Variants in SCAMP1 observed in about 807,000 individuals in gnomAD.
SCAMP1 encodes secretory carrier-associated membrane protein 1.
Under a neutral mutation model 41.8 loss-of-function variants are expected in SCAMP1, and 15 were observed. That is an observed-to-expected ratio of 0.36 (90% CI 0.24 to 0.55). The LOEUF is 0.55. Ranked by LOEUF, SCAMP1 falls within the 20% of genes least tolerant of loss-of-function variation. The pLI is 0.86. For synonymous variants in SCAMP1, 135 were observed against 136.8 expected, an observed-to-expected ratio of 0.99 and a Z score of 0.09; for missense variants, 341 against 412.6, an observed-to-expected ratio of 0.83 and a Z score of 1.50.
chr5:78,474,165 TA>T (rs1753950170), intron 8 of SCAMP1, among the ~76,000 whole-genome samples: 1 of 152,106 alleles, frequency 6.6e-6, no homozygotes, highest in Non-Finnish European at 1.5e-5. Context: ...GGGTCTCTTT[TA>T]TAAGGGCATT....
At chr5:78,467,829 A>G (rs1454252760) in intron 8 of SCAMP1, among the ~76,000 whole-genome samples, 2 of 152,224 alleles carry the variant, frequency 1.3e-5, no homozygotes, top group African/African-American at 2.4e-5. Context: ...TTAAGATCCA[A>G]TTTTAAAAAC....
chr5:78,468,817 T>C (rs1274552765), intron 8 of SCAMP1, among the ~76,000 whole-genome samples: 1 of 152,160 alleles, frequency 6.6e-6, no homozygotes, highest in Non-Finnish European at 1.5e-5. Flanking sequence ...GTCTCATTAG[T>C]TGGTGTTTTA....
intron 7 of SCAMP1, among the ~76,000 whole-genome samples, chr5:78,452,938 C>G (rs111318699): frequency 0.76 from 111,830 of 147,132 alleles, 43,204 homozygotes; most frequent in African/African-American, 0.84. Context: ...CTGATGGCCA[C>G]TGATGAGCAT....
chr5:78,400,694 C>T lies in SCAMP1; in HGVS notation c.135+11780C>T, dbSNP rs559038594. Among the ~76,000 whole-genome samples the T allele has an allele frequency of 2.6e-5, 4 of 152,238 alleles. No individual in the cohort carries two copies. The South Asian group carries it at 8.3e-4, about 32-fold the overall frequency. The stretch of plus-strand genomic sequence containing the variant: ...AAAGTGATTGACTTTTGTATATTAA[C>T]TTTGTGTTGTGCAACCTTAGTATAA... On this transcript the variant is annotated intron_variant, in intron 2 of 8. Coordinates refer to ENST00000621999, the MANE Select transcript of SCAMP1 (RefSeq NM_004866.6).
At chr5:78,393,487 C>T (rs1051863442) in intron 2 of SCAMP1, among the ~76,000 whole-genome samples, 1 of 152,142 alleles carries the variant, frequency 6.6e-6, no homozygotes, top group African/African-American at 2.4e-5. Context: ...AATTTTATAA[C>T]TTATATATTC....
chr5:78,368,692 A>G (rs1269634867), intron 1 of SCAMP1, among the ~76,000 whole-genome samples: 1 of 152,190 alleles, frequency 6.6e-6, no homozygotes, highest in African/African-American at 2.4e-5. Context: ...CAGAATGGTC[A>G]TGGGACTGGA....
At chr5:78,456,510 GC>G (rs1310114371) in intron 7 of SCAMP1, among the ~76,000 whole-genome samples, 1 of 151,372 alleles carries the variant, frequency 6.6e-6, no homozygotes, top group Non-Finnish European at 1.5e-5. Context: ...TTGAATATTG[GC>G]CCCCACTCTC....
At chr5:78,470,089 C>T (rs1366543101) in intron 8 of SCAMP1, among the ~76,000 whole-genome samples, 1 of 147,538 alleles carries the variant, frequency 6.8e-6, no homozygotes, top group Non-Finnish European at 1.5e-5. Flanking sequence ...GAGACCTTGT[C>T]TCTAAAAAAT....
At chr5:78,425,909 G>A (rs947339340) in intron 6 of SCAMP1, among the ~76,000 whole-genome samples, 8 of 151,386 alleles carry the variant, frequency 5.3e-5, no homozygotes, top group African/African-American at 9.7e-5. Flanking sequence ...TAAGCCCCGC[G>A]TGCATTAGGT....
At chr5:78,461,303 T>C (rs185006213) in intron 8 of SCAMP1, among the ~76,000 whole-genome samples, 1 of 152,340 alleles carries the variant, frequency 6.6e-6, no homozygotes, top group East Asian at 1.9e-4. Context: ...ATTTTTGTAG[T>C]TTGAGGTTTT....
chr5:78,460,820 C>CTTTCTTTCTTTCTTTATTT (rs1201206613), intron 8 of SCAMP1, among the ~76,000 whole-genome samples: 1 of 28,172 alleles, frequency 3.5e-5, no homozygotes, highest in African/African-American at 8.5e-5. Context: ...TTCCTTCCTT[C>CTTTCTTTCTTTCTTTATTT]CTTTCTTGTC....
Position 78,360,682 on chromosome 5 carries a change from T to C in SCAMP1, c.11T>C (p.Phe4Ser). 6.2e-7 allele frequency: 1 copy of C among 1,610,352 alleles called. No homozygotes were observed. The highest frequency in any genetic ancestry group is 8.5e-7 in the Non-Finnish European group (1 of 1,178,500). The stretch of plus-strand genomic sequence containing the variant: ...CCGAGAGCCAGAGAGATGTCGGATT[T>C]CGACAGTAACCCGTTTGCCGACCCG... Reference protein sequence around the residue: MSDFDSNPFADPDL... With the variant: MSDSDSNPFADPDL... The change falls in exon 1 of 9, where the codon TTC becomes TCC. Residue 4 changes from phenylalanine to serine, a missense_variant. Transcript: ENST00000621999.
intron 8 of SCAMP1, among the ~76,000 whole-genome samples, chr5:78,473,720 A>C (rs537793465): frequency 6.6e-6 from 1 of 152,228 alleles, no homozygotes; most frequent in Non-Finnish European, 1.5e-5. Context: ...AAGTGAGAAC[A>C]TGTGATATTT....
chr5:78,448,205 T>G (rs1481412979), intron 6 of SCAMP1, among the ~76,000 whole-genome samples: 2 of 142,332 alleles, frequency 1.4e-5, no homozygotes, highest in African/African-American at 5.3e-5. Context: ...TTTTGTTTTT[T>G]TTTAAAATAA....
intron 8 of SCAMP1, among the ~76,000 whole-genome samples, chr5:78,466,386 T>G (rs1431619119): frequency 2.0e-5 from 3 of 152,162 alleles, no homozygotes; most frequent in African/African-American, 7.2e-5. Context: ...AAGTATTGCC[T>G]CAGCTGAGAT....
intron 2 of SCAMP1, among the ~76,000 whole-genome samples, chr5:78,402,192 ATT>A (rs1465032284): frequency 7.3e-6 from 1 of 137,392 alleles, no homozygotes; most frequent in African/African-American, 2.7e-5. Context: ...TAAATACTAT[ATT>A]TGTTTTTTTT....
intron 6 of SCAMP1, among the ~76,000 whole-genome samples, chr5:78,443,061 A>G (rs1033366924): frequency 1.4e-4 from 21 of 151,882 alleles, no homozygotes; most frequent in African/African-American, 4.8e-4. Flanking sequence ...AAAAACAAAA[A>G]TATTAGCTGG....
chr5:78,410,668 G>A (rs181490963), intron 2 of SCAMP1, among the ~76,000 whole-genome samples: 175 of 152,288 alleles, frequency 1.1e-3, no homozygotes, highest in African/African-American at 4.0e-3. Context: ...ACACAGTAAT[G>A]GGATTGCTGG....
chr5:78,433,575 T>TC (rs1426871318), intron 6 of SCAMP1, among the ~76,000 whole-genome samples: 1 of 152,136 alleles, frequency 6.6e-6, no homozygotes, highest in Non-Finnish European at 1.5e-5. Flanking sequence ...CTCAGAGACT[T>TC]CAAATTACTT....
Sources: allele counts gnomAD v4.1 joint callset (sites outside exome capture counted in the v4.1 genomes callset), GRCh38; gene constraint gnomAD v4.1.1; transcripts MANE v1.5; gene names NCBI Gene and HGNC (gene_info 2026-07-23, HGNC 2026-07-21).